The following EP400 variants were observed in gnomAD, a reference collection of about 807,000 sequenced individuals.
EP400 encodes E1A-binding protein p400.
EP400 carries 105 observed loss-of-function variants against 354.1 expected under a neutral mutation model. The ratio of observed to expected loss-of-function variants is 0.30; its 90% CI spans 0.25 to 0.35. EP400 has a LOEUF of 0.35. Ranked by LOEUF, EP400 falls within the 10% of genes least tolerant of loss-of-function variation. EP400 has a pLI of 1.00. For missense variants in EP400, 3,280 were observed against 4,121.0 expected (o/e 0.80, Z 5.59); for synonymous variants, 1,646 against 1,716.9 (o/e 0.96, Z 1.02).
At chr12:131,975,462 G>T (rs1308086087) in intron 2 of EP400, among the ~76,000 whole-genome samples, 3 of 152,148 alleles carry the variant, frequency 2.0e-5, no homozygotes, top group Non-Finnish European at 4.4e-5. Flanking sequence ...GCACTGTCCT[G>T]GTTCCTGGAG....
intron 2 of EP400, among the ~76,000 whole-genome samples, chr12:131,976,703 C>CT (rs1306791901): frequency 6.6e-6 from 1 of 152,152 alleles, no homozygotes; most frequent in Non-Finnish European, 1.5e-5. Flanking sequence ...GAGCGAGACT[C>CT]TGTCTCAAAA....
Position 132,069,454 on chromosome 12 carries a change from G to A in EP400, c.8875-41G>A, listed in dbSNP as rs375603662. The A allele has an allele frequency of 3.2e-4, 516 of 1,603,528 alleles. 1 individual carries two copies. The highest frequency in any genetic ancestry group is 1.8e-3 in the Middle Eastern group (11 of 5,998). ...CAGGCGTCCCGGGAGTCTTGAGCGC[G>A]GCATGGTCTCTGCGGCCCTAATTTC... is the stretch of plus-strand genomic sequence containing the variant. On this transcript the variant is annotated intron_variant, in intron 50 of 52. Coordinates refer to ENST00000389561, the MANE Select transcript of EP400 (RefSeq NM_015409.5).
rs1340205290 is a variant in EP400 at position 132,038,718 on chromosome 12, C to T, written c.6207+622C>T. On this transcript the variant is annotated intron_variant, in intron 32 of 52. Coordinates refer to ENST00000389561, the MANE Select transcript of EP400 (RefSeq NM_015409.5). The surrounding 1 kb of genome is among the most constrained non-coding windows in gnomAD (Gnocchi z 4.2). Reference sequence around the variant, plus strand: ...CCTTTTGGGGGTGCTGCTGTGTAGACATGTCACAGACCCGTCACGGGGCCG... The same window carrying T: ...CCTTTTGGGGGTGCTGCTGTGTAGATATGTCACAGACCCGTCACGGGGCCG... Among the ~76,000 whole-genome samples, 2 of 152,182 alleles carry T rather than the reference C, an allele frequency of 1.3e-5. No homozygotes were observed. The highest frequency in any genetic ancestry group is 4.8e-5 in the African/African-American group (2 of 41,446).
intron 30 of EP400, among the ~76,000 whole-genome samples, chr12:132,033,022 A>C (rs1894575507): frequency 6.6e-6 from 1 of 152,028 alleles, no homozygotes; most frequent in Non-Finnish European, 1.5e-5. Context: ...ATCCTGGTTC[A>C]CCGCAACCTC....
intron 41 of EP400, chr12:132,051,157 A>G (rs911160937): frequency 5.6e-6 from 1 of 179,600 alleles, no homozygotes; most frequent in African/African-American, 2.4e-5. Context: ...CCTTACTGCC[A>G]GGCACATGGG....
chr12:132,023,339 A>G (rs1894188735), intron 23 of EP400, among the ~76,000 whole-genome samples: 1 of 97,020 alleles, frequency 1.0e-5, no homozygotes, highest in South Asian at 3.3e-4. Context: ...CATTTCTAGT[A>G]GAGATGGGTT....
chr12:132,073,785 G>T (rs1346125757), intron 51 of EP400, among the ~76,000 whole-genome samples: 1 of 151,650 alleles, frequency 6.6e-6, no homozygotes, highest in Non-Finnish European at 1.5e-5. Flanking sequence ...GACTTTTTAT[G>T]TGGAATTACT....
At chr12:132,060,560 T>C (rs1895657686) in intron 45 of EP400, among the ~76,000 whole-genome samples, 1 of 152,098 alleles carries the variant, frequency 6.6e-6, no homozygotes. Flanking sequence ...GCGGGGGTCG[T>C]TGTCGTGCCA....
At chr12:131,979,827 G>GC (rs747611185) in intron 3 of EP400, 34 bp downstream of exon 3, 32 of 1,550,258 alleles carry the variant, frequency 2.1e-5, no homozygotes, top group Non-Finnish European at 2.7e-5. Flanking sequence ...CCTCGGGAAT[G>GC]CCCCCCTCTC....
At chr12:132,044,045 G>A (rs749452285) in intron 34 of EP400, 132 bp from the exon 35 acceptor site, 16 of 1,277,622 alleles carry the variant, frequency 1.3e-5, no homozygotes, top group Non-Finnish European at 1.5e-5. Context: ...GCTTGTGGGG[G>A]TGATGCATTG....
chr12:131,957,114 A>G (rs1328021883), intron 1 of EP400, among the ~76,000 whole-genome samples: 4 of 151,418 alleles, frequency 2.6e-5, no homozygotes, highest in Admixed American at 1.3e-4. Flanking sequence ...CAGGTGATCC[A>G]CCCACCTCAG....
At chr12:132,031,798 AC>A (rs1894513286) in intron 29 of EP400, among the ~76,000 whole-genome samples, 154 bp from the exon 30 acceptor site, 1 of 151,702 alleles carries the variant, frequency 6.6e-6, no homozygotes, top group African/African-American at 2.4e-5. Flanking sequence ...CTTGTGATCC[AC>A]CCACCTCGGC....
Position 132,038,200 on chromosome 12 carries a change from G to C in EP400, c.6207+104G>C. ...GGTGCTCAGTCCCCACTCTTCCCTG[G>C]CCTGAAGCCCTCTTCCCGTCCCTGC... On this transcript the variant is annotated intron_variant, in intron 32 of 52. Coordinates refer to ENST00000389561, the MANE Select transcript of EP400 (RefSeq NM_015409.5). The surrounding 1 kb of genome is among the most constrained non-coding windows in gnomAD (Gnocchi z 4.2). 1 of 1,450,640 alleles carries C rather than the reference G, an allele frequency of 6.9e-7. No individual in the cohort carries two copies. Among genetic ancestry groups the C allele is most frequent in the South Asian group, 1.3e-5 (1 of 76,716 alleles). 89.9% of individuals were successfully genotyped at this position (1,450,640 alleles called of 1,614,324 possible). A position where few individuals can be genotyped will look rare whatever the true frequency, so the allele number is the denominator to read the frequency against.
chr12:132,077,683 C>T lies in EP400; in HGVS notation c.*10C>T, dbSNP rs1463617424. The T allele has an allele frequency of 3.2e-6, 5 of 1,585,494 alleles. No homozygotes were observed. Among genetic ancestry groups the T allele is most frequent in the Non-Finnish European group, 4.3e-6 (5 of 1,165,874 alleles). ...GCCTCCGTGCCAGTAGTCAGGGCAG[C>T]AGGGCTGCCTCTCATCTAAAGCAAA... On this transcript the variant is annotated 3_prime_UTR_variant, in exon 53 of 53. Transcript: ENST00000389561.
At chr12:132,065,768 G>T (rs536160720) in intron 48 of EP400, 1 of 152,248 alleles carries the variant, frequency 6.6e-6, no homozygotes, top group Non-Finnish European at 1.5e-5. Context: ...CTACAGAAGG[G>T]TGCTTGGTTT....
chr12:131,953,615 C>A (rs1345044732), intron 1 of EP400, among the ~76,000 whole-genome samples: 1 of 152,140 alleles, frequency 6.6e-6, no homozygotes, highest in Admixed American at 6.5e-5. Context: ...TGGTATCATT[C>A]GGAATTTATA....
Position 132,066,881 on chromosome 12 carries a change from A to G in EP400, c.8661A>G (p.Ala2887=). 2 of 1,613,864 alleles carry G rather than the reference A, an allele frequency of 1.2e-6. No homozygotes were observed. The highest frequency in any genetic ancestry group is 8.5e-7 in the Non-Finnish European group (1 of 1,179,912). Residue 2887 remains alanine, a synonymous_variant, in exon 49 of 53, where the codon GCA becomes GCG. Transcript: ENST00000389561. Reference sequence around the variant, plus strand: ...AGCCTCCGGTGGTGTCCGTCCCGGCAGCTGTGGTCTCCTCACCGGGAGTCA... The same window carrying G: ...AGCCTCCGGTGGTGTCCGTCCCGGCGGCTGTGGTCTCCTCACCGGGAGTCA... ...LAKPPVVSVP[A]AVVSSPGVTT...
Position 131,994,860 on chromosome 12 carries a change from A to G in EP400, c.2738-7A>G, listed in dbSNP as rs1477242864. 6.2e-7 allele frequency: 1 copy of G among 1,613,804 alleles called. No individual in the cohort carries two copies. Among genetic ancestry groups the G allele is most frequent in the East Asian group, 2.2e-5 (1 of 44,860 alleles). ...CTCTCAGTGACACTTGCTGATAACCATTTTAGTGGACGATGAAGAGGAAAC... is the reference window on the plus strand; with the variant it reads ...CTCTCAGTGACACTTGCTGATAACCGTTTTAGTGGACGATGAAGAGGAAAC... On this transcript the variant is annotated splice_region_variant and splice_polypyrimidine_tract_variant and intron_variant, in intron 11 of 52. Coordinates refer to ENST00000389561, the MANE Select transcript of EP400 (RefSeq NM_015409.5). The surrounding 1 kb of genome is among the most constrained non-coding windows in gnomAD (Gnocchi z 4.6).
In EP400 at chr12:132,054,265, G is replaced by A. The variant is rs1431075488; in HGVS notation, c.7728+668G>A. On this transcript the variant is annotated intron_variant, in intron 43 of 52. Transcript: ENST00000389561. The surrounding 1 kb of genome is among the most constrained non-coding windows in gnomAD (Gnocchi z 4.0). The stretch of plus-strand genomic sequence containing the variant: ...ACCAGGCAGGCATAAAAATATTTTT[G>A]TTACATAGAACCATTTCCTGCAGTA... 7.9e-5 allele frequency among the ~76,000 whole-genome samples: 12 copies of A among 152,214 alleles called. No homozygotes were observed.
Sources: gnomAD v4.1 joint callset for allele counts (sites outside exome capture counted in the v4.1 genomes callset) on GRCh38, gnomAD v4.1.1 for gene constraint, Gnocchi (gnomAD v3.1) non-coding constraint, MANE v1.5 for transcripts, NCBI Gene and HGNC (gene_info 2026-07-23, HGNC 2026-07-21) for gene names.